LCP2: variants seen among roughly 807,000 people sequenced by gnomAD.
LCP2 encodes 76 kDa tyrosine phosphoprotein.
A neutral mutation model predicts 74.5 loss-of-function variants in LCP2; 29 were observed. The observed-to-expected ratio is 0.39, with a 90% CI of 0.29 to 0.53. The LOEUF (loss-of-function observed/expected upper bound fraction) is 0.53. Among genes scored for constraint, LCP2 ranks in the 20% least tolerant of loss-of-function variants. The pLI, the probability that LCP2 is intolerant of heterozygous loss-of-function variation, is 0.72. For missense variants in LCP2, 604 were observed against 634.6 expected, an observed-to-expected ratio of 0.95 and a Z score of 0.52; for synonymous variants, 228 against 229.5, an observed-to-expected ratio of 0.99 and a Z score of 0.06.
intron 16 of LCP2, 122 bp downstream of exon 16, chr5:170,257,915 A>C (rs1242565944): frequency 9.1e-7 from 1 of 1,102,564 alleles, no homozygotes; most frequent in Non-Finnish European, 1.3e-6. Context: ...TTAAGACCCA[A>C]AATGTTCAGA....
At position 170,256,525 on chromosome 5, in the gene LCP2, C is replaced by T; in HGVS notation, c.1150+1G>A. On this transcript the variant is annotated splice_donor_variant, in intron 17 of 20. Coordinates refer to ENST00000046794, the MANE Select transcript of LCP2 (RefSeq NM_005565.5). LOFTEE classifies it high-confidence loss of function. This position sits in a 1 kb window ranked among gnomAD's most constrained non-coding sequence, Gnocchi z 4.5. ...ACGTCACAAAAGCCCAGAGTACAAA[C>T]CTTGAGAGAAGTATGGTGGCAGGGA... 6.2e-7 allele frequency: 1 copy of T among 1,612,354 alleles called. No homozygotes were observed. Among genetic ancestry groups the T allele is most frequent in the Non-Finnish European group, 8.5e-7 (1 of 1,178,444 alleles).
rs763012096 is a variant in LCP2, at chr5:170,256,724, G to A, written c.1101-149C>T. The A allele has an allele frequency of 3.0e-6, 2 of 666,494 alleles. No homozygotes were observed. Among genetic ancestry groups the A allele is most frequent in the Non-Finnish European group, 5.5e-6 (2 of 364,000 alleles). 41.3% of individuals were successfully genotyped at this position (666,494 alleles called of 1,614,324 possible). A position where few individuals can be genotyped will look rare whatever the true frequency, so the allele number is the denominator to read the frequency against. On this transcript the variant is annotated intron_variant, in intron 16 of 20. Coordinates refer to ENST00000046794, the MANE Select transcript of LCP2 (RefSeq NM_005565.5). This position sits in a 1 kb window ranked among gnomAD's most constrained non-coding sequence, Gnocchi z 4.5. ...CCAAAACCATGGGGGCTGGGCACAG[G>A]GACAGAACACAGCACACAGGGAATG...
intron 6 of LCP2, among the ~76,000 whole-genome samples, chr5:170,271,666 G>C (rs927239667): frequency 6.6e-6 from 1 of 151,988 alleles, no homozygotes; most frequent in Non-Finnish European, 1.5e-5. Flanking sequence ...GTCCATGAAG[G>C]TGAATGAGCA....
Position 170,266,878 on chromosome 5 carries a change from T to C in LCP2, c.702A>G (p.Ser234=). 1.2e-6 allele frequency: 2 copies of C among 1,613,836 alleles called. No homozygotes were observed. Among genetic ancestry groups the C allele is most frequent in the Non-Finnish European group, 1.7e-6 (2 of 1,179,786 alleles). ...GGGGAGGTTTCGTGCTTCTGTCTAT[T>C]GAAGGAGCAGGGACTGGAAGGGGAA... ...NHKTAKLPAP[S]IDRSTKPPLD... The change falls in exon 10 of 21, where the codon TCA becomes TCG. Residue 234 remains serine, a synonymous_variant. Coordinates refer to ENST00000046794, the MANE Select transcript of LCP2 (RefSeq NM_005565.5).
intron 7 of LCP2, among the ~76,000 whole-genome samples, chr5:170,269,490 A>G (rs1200732569): frequency 6.6e-6 from 1 of 152,244 alleles, no homozygotes; most frequent in Non-Finnish European, 1.5e-5. Flanking sequence ...AGCTTCTCTA[A>G]TAGGCCATGC....
intron 14 of LCP2, among the ~76,000 whole-genome samples, chr5:170,259,272 G>T (rs1265771689): frequency 6.6e-6 from 1 of 152,174 alleles, no homozygotes; most frequent in Non-Finnish European, 1.5e-5. Context: ...AAAGCATGAT[G>T]CTGAGGAAGC....
intron 10 of LCP2, among the ~76,000 whole-genome samples, chr5:170,264,157 T>C (rs1380776692): frequency 6.6e-6 from 1 of 152,234 alleles, no homozygotes. Flanking sequence ...CGATGAACTT[T>C]CTCAAGGAGC....
intron 7 of LCP2, among the ~76,000 whole-genome samples, chr5:170,270,332 T>G (rs1305907376): frequency 6.6e-6 from 1 of 152,212 alleles, no homozygotes; most frequent in East Asian, 1.9e-4. Flanking sequence ...GTAACTATAA[T>G]TTGGTCAAAA....
chr5:170,274,747 C>T lies in LCP2; in HGVS notation c.287-409G>A, dbSNP rs111978068. Among the ~76,000 whole-genome samples, 963 of 152,150 alleles carry T rather than the reference C, an allele frequency of 6.3e-3. 17 individuals carry two copies. Among genetic ancestry groups the T allele is most frequent in the African/African-American group, 0.022 (914 of 41,518 alleles). On this transcript the variant is annotated intron_variant, in intron 5 of 20. Transcript: ENST00000046794. ...ATCCTAGCACTTTGGGAGGCCAAGGCGGGCAGATCATGAGGTCAGGAGATC... is the reference window on the plus strand; with the variant it reads ...ATCCTAGCACTTTGGGAGGCCAAGGTGGGCAGATCATGAGGTCAGGAGATC...
intron 8 of LCP2, 89 bp from the exon 9 acceptor site, chr5:170,267,164 C>T (rs1761777562): frequency 7.7e-7 from 1 of 1,296,498 alleles, no homozygotes; most frequent in Non-Finnish European, 1.1e-6. Context: ...GCTCACTTTT[C>T]CTCATCTTCA....
chr5:170,265,940 C>T (rs900608621), intron 10 of LCP2, among the ~76,000 whole-genome samples: 1 of 152,174 alleles, frequency 6.6e-6, no homozygotes. Context: ...AAAGAGCCCC[C>T]ACTTAGAAGT....
intron 3 of LCP2, among the ~76,000 whole-genome samples, chr5:170,281,552 T>G (rs760066407): frequency 3.3e-5 from 5 of 152,244 alleles, no homozygotes; most frequent in Non-Finnish European, 7.3e-5. Context: ...AGTGCTGGGA[T>G]TACAGGCATT....
rs1761362708 is a variant in LCP2 at position 170,248,941 on chromosome 5, A to T, written c.1480-122T>A. On this transcript the variant is annotated intron_variant, in intron 20 of 20. Coordinates refer to ENST00000046794, the MANE Select transcript of LCP2 (RefSeq NM_005565.5). The stretch of plus-strand genomic sequence containing the variant: ...CAAGTGATGAGGATTGTGGGGGGAA[A>T]AAATGTAAATGTGGCAATTAGTTTA... 7 of 968,698 alleles carry T rather than the reference A, an allele frequency of 7.2e-6. No individual in the cohort carries two copies. The South Asian group carries it at 1.1e-4, about 15-fold the overall frequency. 60.0% of individuals were successfully genotyped at this position (968,698 alleles called of 1,614,324 possible).
At chr5:170,291,226 A>AAGGAAGGAAGAACGG (rs1561979324) in intron 2 of LCP2, among the ~76,000 whole-genome samples, 1 of 52,914 alleles carries the variant, frequency 1.9e-5, no homozygotes, top group African/African-American at 6.8e-5. Context: ...AGGAAGGAAG[A>AAGGAAGGAAGAACGG]AAGGAAGGAA....
At chr5:170,287,516 C>A (rs1013720594) in intron 3 of LCP2, among the ~76,000 whole-genome samples, 4 of 152,190 alleles carry the variant, frequency 2.6e-5, no homozygotes, top group African/African-American at 7.2e-5. Context: ...ACATAACACC[C>A]CTGTCAGATA....
chr5:170,284,974 A>G (rs376694644), intron 3 of LCP2, among the ~76,000 whole-genome samples: 11 of 151,888 alleles, frequency 7.2e-5, no homozygotes, highest in African/African-American at 2.7e-4. Flanking sequence ...TGGTCTCAAA[A>G]TCCTGAACTC....
intron 4 of LCP2, 196 bp downstream of exon 4, chr5:170,275,599 A>C (rs896675451): frequency 2.3e-5 from 15 of 642,396 alleles, no homozygotes; most frequent in Non-Finnish European, 3.8e-5. Context: ...AGTTCCCCTG[A>C]TGTCCCAGAC....
At chr5:170,263,460 C>T (rs1761698229) in intron 10 of LCP2, among the ~76,000 whole-genome samples, 1 of 152,204 alleles carries the variant, frequency 6.6e-6, no homozygotes, top group African/African-American at 2.4e-5. Flanking sequence ...AAATGAAGCA[C>T]TCCACTTAGT....
At position 170,261,464 on chromosome 5, in the gene LCP2, T is replaced by TAC. The variant is rs1554139959; in HGVS notation, c.927-329_927-328dup. ...TATGTACACACACACTATATGTATA[T>TAC]ACACACACACACACACACACATGTG... On this transcript the variant is annotated intron_variant, in intron 13 of 20. Transcript: ENST00000046794. Among the ~76,000 whole-genome samples the TAC allele has an allele frequency of 2.2e-3, 97 of 44,282 alleles. 1 individual carries two copies. Among genetic ancestry groups the TAC allele is most frequent in the Admixed American group, 5.7e-3 (22 of 3,872 alleles). 29.1% of individuals were successfully genotyped at this position (44,282 alleles called of 152,430 possible).
Sources: allele counts gnomAD v4.1 joint callset (sites outside exome capture counted in the v4.1 genomes callset), GRCh38; gene constraint gnomAD v4.1.1; non-coding constraint Gnocchi (gnomAD v3.1); transcripts MANE v1.5; gene names NCBI Gene and HGNC (gene_info 2026-07-23, HGNC 2026-07-21).